LCA5: variants seen among roughly 807,000 people sequenced by gnomAD.
LCA5 encodes lebercilin LCA5.
LCA5 carries 37 observed loss-of-function variants against 53.0 expected under a neutral mutation model. The ratio of observed to expected loss-of-function variants is 0.70; its 90% CI spans 0.54 to 0.92. The LOEUF (loss-of-function observed/expected upper bound fraction) is 0.92, where lower values mean the gene tolerates loss of function less well. LCA5 is among the 40% of genes least tolerant of loss of function. The pLI is 0.00. For missense variants in LCA5, 806 were observed against 790.5 expected, an observed-to-expected ratio of 1.02 and a Z score of -0.23; for synonymous variants, 303 against 282.9, an observed-to-expected ratio of 1.07 and a Z score of -0.71.
At position 79,485,476 on chromosome 6, in the gene LCA5, C is replaced by T. The variant is rs41269343; in HGVS notation, c.*1528G>A. 0.11 allele frequency: 17,339 copies of T among 152,348 alleles called. 1,107 individuals carry two copies. The highest frequency in any genetic ancestry group is 0.13 in the Non-Finnish European group (8,982 of 67,942). 9.4% of individuals were successfully genotyped at this position (152,348 alleles called of 1,614,324 possible). On this transcript the variant is annotated 3_prime_UTR_variant, in exon 8 of 8. Transcript: ENST00000369846. ...CAGACATACAAATCTATTAAGAAAA[C>T]TTTTTAATATAGTTTAGCACTTTTG...
intron 7 of LCA5, 96 bp downstream of exon 7, chr6:79,488,975 TTCTACCTAAGCAA>T: frequency 7.9e-7 from 1 of 1,259,784 alleles, no homozygotes; most frequent in Non-Finnish European, 1.1e-6. Context: ...CCTTTCTTTG[TTCTACCTAAGCAA>T]TTCACAGTTA....
chr6:79,508,333 G>A (rs1047744607), intron 3 of LCA5, among the ~76,000 whole-genome samples: 13 of 152,094 alleles, frequency 8.5e-5, no homozygotes, highest in Admixed American at 3.9e-4. Context: ...TACTCCGTTC[G>A]TAAATTACTA....
chr6:79,529,060 A>AT (rs56881559), intron 1 of LCA5, among the ~76,000 whole-genome samples: 10,896 of 152,274 alleles, frequency 0.072, 563 homozygotes, highest in Non-Finnish European at 0.11. Context: ...TACATCTCTC[A>AT]TAACTGTGGC....
chr6:79,508,696 C>T (rs1039701495), intron 3 of LCA5, among the ~76,000 whole-genome samples: 2 of 150,936 alleles, frequency 1.3e-5, no homozygotes, highest in African/African-American at 2.4e-5. Flanking sequence ...TTAATGATAA[C>T]GAAGATCTTT....
rs1582658014 is a variant in LCA5, at chr6:79,531,380, T to A, written c.-192+5785A>T. On this transcript the variant is annotated intron_variant, in intron 1 of 7. Coordinates refer to ENST00000369846, the MANE Select transcript of LCA5 (RefSeq NM_001122769.3). ...CTCTCTACAGGATCATTCCTATCAA[T>A]GAAGAGGTGCTAATGAAGCTGATGC... is the stretch of plus-strand genomic sequence containing the variant. 2.0e-5 allele frequency among the ~76,000 whole-genome samples: 3 copies of A among 152,320 alleles called. No homozygotes were observed. In the East Asian group the frequency reaches 5.8e-4, roughly 29 times the overall value.
intron 1 of LCA5, among the ~76,000 whole-genome samples, chr6:79,527,002 G>A (rs150746394): frequency 4.8e-4 from 73 of 152,176 alleles, no homozygotes; most frequent in Non-Finnish European, 9.3e-4. Flanking sequence ...CTCAAACTCC[G>A]CCTCTTAAGT....
chr6:79,526,858 G>A (rs73473984), intron 1 of LCA5, among the ~76,000 whole-genome samples: 1,576 of 152,234 alleles, frequency 0.01, 27 homozygotes, highest in African/African-American at 0.037. Flanking sequence ...CCCCCTACAA[G>A]CTATTATATG....
intron 3 of LCA5, among the ~76,000 whole-genome samples, chr6:79,512,571 T>G (rs1219116860): frequency 6.6e-6 from 1 of 152,148 alleles, no homozygotes; most frequent in East Asian, 1.9e-4. Context: ...CTTTCCAAAC[T>G]GCTTGTCAAT....
At chr6:79,505,906 ATCTAGGAAGATAAAC>A (rs1446164747) in intron 3 of LCA5, among the ~76,000 whole-genome samples, 1 of 152,176 alleles carries the variant, frequency 6.6e-6, no homozygotes, top group African/African-American at 2.4e-5. Context: ...ATAATGCTGT[ATCTAGGAAGATAAAC>A]TAGGAAGAGT....
At chr6:79,514,617 C>A (rs1197005699) in intron 2 of LCA5, among the ~76,000 whole-genome samples, 2 of 152,084 alleles carry the variant, frequency 1.3e-5, no homozygotes, top group Non-Finnish European at 2.9e-5. Flanking sequence ...AACCAAAATG[C>A]TCACCAATGA....
Position 79,493,846 on chromosome 6 carries a change from T to C in LCA5, c.721-96A>G, listed in dbSNP as rs1769909103. On this transcript the variant is annotated intron_variant, in intron 3 of 7. Coordinates refer to ENST00000369846, the MANE Select transcript of LCA5 (RefSeq NM_001122769.3). ...GTCAAAATGATGTTTTTAGTGGTAT[T>C]GTCCAAGACCTACAAATCAGACTGG... 7.7e-6 allele frequency: 7 copies of C among 912,574 alleles called. No individual in the cohort carries two copies. In the South Asian group the frequency reaches 1.0e-4, roughly 13 times the overall value. The allele number at this position is 912,574 out of a possible 1,614,324, so 56.5% of individuals were successfully genotyped here. A position where few individuals can be genotyped will look rare whatever the true frequency, so the allele number is the denominator to read the frequency against.
intron 4 of LCA5, 57 bp downstream of exon 4, chr6:79,493,556 A>C: frequency 6.8e-7 from 1 of 1,469,126 alleles, no homozygotes; most frequent in South Asian, 1.1e-5. Flanking sequence ...GTGTTTTAAA[A>C]TATTTAATTT....
At chr6:79,505,107 G>C (rs1310884523) in intron 3 of LCA5, among the ~76,000 whole-genome samples, 1 of 152,090 alleles carries the variant, frequency 6.6e-6, no homozygotes, top group Non-Finnish European at 1.5e-5. Flanking sequence ...CCCTGTTTTA[G>C]TGCTTGTATT....
intron 3 of LCA5, among the ~76,000 whole-genome samples, chr6:79,496,770 G>C (rs1769994150): frequency 6.6e-6 from 1 of 152,026 alleles, no homozygotes. Context: ...AAAAAATGAA[G>C]CTTCTGGGTT....
At chr6:79,489,564 G>T (rs911107608) in intron 6 of LCA5, among the ~76,000 whole-genome samples, 1 of 152,102 alleles carries the variant, frequency 6.6e-6, no homozygotes, top group Non-Finnish European at 1.5e-5. Flanking sequence ...AAGCAGAAAT[G>T]ACTATTCGCC....
intron 1 of LCA5, among the ~76,000 whole-genome samples, chr6:79,523,767 G>T (rs918740003): frequency 1.3e-5 from 2 of 152,150 alleles, no homozygotes; most frequent in Non-Finnish European, 2.9e-5. Context: ...CAAAGGGGAA[G>T]AATACACACA....
At chr6:79,513,070 C>T (rs1766285892) in intron 3 of LCA5, 142 bp downstream of exon 3, 2 of 790,272 alleles carry the variant, frequency 2.5e-6, no homozygotes, top group South Asian at 3.0e-5. Flanking sequence ...ATATAAAATC[C>T]AAATTTTCCC....
Position 79,518,891 on chromosome 6 carries a change from C to A in LCA5, c.4G>T (p.Gly2Trp). 1.2e-6 allele frequency: 2 copies of A among 1,614,054 alleles called. No homozygotes were observed. Among genetic ancestry groups the A allele is most frequent in the Non-Finnish European group, 1.7e-6 (2 of 1,179,946 alleles). ...GTACCTGGACTTCCTGCTCTTTCCC[C>A]CATTGTTTTGAAAAATGGTCTCTAT... M[G>W]ERAGSPGTDQ... Residue 2 changes from glycine to tryptophan, a missense_variant, in exon 2 of 8, where the codon GGG (glycine) becomes TGG (tryptophan). Transcript: ENST00000369846.
At chr6:79,490,824 C>T (rs771111904) in intron 6 of LCA5, among the ~76,000 whole-genome samples, 6 of 151,916 alleles carry the variant, frequency 3.9e-5, no homozygotes, top group South Asian at 2.1e-4. Context: ...GCTAGGTTGC[C>T]GATACGTTGT....
Sources: gnomAD v4.1 joint callset for allele counts (sites outside exome capture counted in the v4.1 genomes callset) on GRCh38, gnomAD v4.1.1 for gene constraint, MANE v1.5 for transcripts, NCBI Gene and HGNC (gene_info 2026-07-23, HGNC 2026-07-21) for gene names.